SPTLC2: variants seen among roughly 807,000 people sequenced by gnomAD.
SPTLC2 encodes the protein serine palmitoyltransferase 2.
SPTLC2 carries 21 observed loss-of-function variants against 62.0 expected under a neutral mutation model. The observed-to-expected ratio is 0.34, with a 90% CI of 0.24 to 0.49. SPTLC2 has a LOEUF of 0.49. Ranked by LOEUF, SPTLC2 falls within the 20% of genes least tolerant of loss-of-function variation. The pLI, the probability that SPTLC2 is intolerant of heterozygous loss-of-function variation, is 0.99. For missense variants in SPTLC2, 511 were observed against 713.0 expected (o/e 0.72, Z 3.23); for synonymous variants, 261 against 261.8 (o/e 1.00, Z 0.03).
At chr14:77,517,283 A>G (rs991927715) in intron 11 of SPTLC2, among the ~76,000 whole-genome samples, 1 of 152,228 alleles carries the variant, frequency 6.6e-6, no homozygotes, top group Non-Finnish European at 1.5e-5. Flanking sequence ...TAACTCATTA[A>G]TGGATATTTC....
intron 4 of SPTLC2, among the ~76,000 whole-genome samples, chr14:77,574,374 G>C (rs1311563515): frequency 2.0e-5 from 3 of 152,160 alleles, no homozygotes; most frequent in Admixed American, 2.0e-4. Flanking sequence ...AAAATGAATA[G>C]GAACCCTCAT....
chr14:77,611,788 T>C (rs2079939399), intron 1 of SPTLC2, among the ~76,000 whole-genome samples: 1 of 150,558 alleles, frequency 6.6e-6, no homozygotes, highest in Non-Finnish European at 1.5e-5. Context: ...ATGGCGCCAC[T>C]GCACTCCAGC....
At chr14:77,601,255 C>G (rs540481618) in intron 1 of SPTLC2, among the ~76,000 whole-genome samples, 6 of 152,182 alleles carry the variant, frequency 3.9e-5, no homozygotes, top group Non-Finnish European at 8.8e-5. Context: ...ATAGCCTTAA[C>G]TGATGACATT....
rs7401267 is a variant in SPTLC2 at position 77,569,902 on chromosome 14, T to A, written c.756+482A>T. On this transcript the variant is annotated intron_variant, in intron 5 of 11. Coordinates refer to ENST00000216484, the MANE Select transcript of SPTLC2 (RefSeq NM_004863.4). ...CTGGTCTCAAACTCCTGACCTCAGG[T>A]GATCCACCTGCCTCAGCCTCCCAAA... Among the ~76,000 whole-genome samples, 625 of 127,964 alleles carry A rather than the reference T, an allele frequency of 4.9e-3. 8 individuals are homozygous for A. The highest frequency in any genetic ancestry group is 0.015 in the African/African-American group (563 of 38,502). The allele number at this position is 127,964 out of a possible 152,430, so 83.9% of individuals were successfully genotyped here.
intron 9 of SPTLC2, among the ~76,000 whole-genome samples, chr14:77,533,300 CAAAAAAA>C (rs35192294): frequency 3.0e-4 from 30 of 98,496 alleles, no homozygotes; most frequent in South Asian, 6.5e-4. Flanking sequence ...AACTCCGTTG[CAAAAAAA>C]AAAAAAAAAA....
At chr14:77,589,525 C>T (rs536093568) in intron 2 of SPTLC2, among the ~76,000 whole-genome samples, 1 of 149,958 alleles carries the variant, frequency 6.7e-6, no homozygotes, top group African/African-American at 2.5e-5. Context: ...CACGGTGGCT[C>T]ATGCCTGTAA....
intron 9 of SPTLC2, among the ~76,000 whole-genome samples, chr14:77,531,487 T>TCCC (rs2079439869): frequency 1.6e-4 from 9 of 54,982 alleles, no homozygotes; most frequent in South Asian, 8.8e-4. Flanking sequence ...CTCCCCCTCC[T>TCCC]CCTCCTCCTC....
intron 4 of SPTLC2, among the ~76,000 whole-genome samples, chr14:77,575,174 T>A (rs1326470904): frequency 2.0e-5 from 3 of 152,190 alleles, no homozygotes; most frequent in African/African-American, 7.2e-5. Context: ...GTGAGCTGAC[T>A]GCACCACCGC....
intron 1 of SPTLC2, among the ~76,000 whole-genome samples, chr14:77,613,764 G>A (rs1428341411): frequency 6.6e-6 from 1 of 152,154 alleles, no homozygotes; most frequent in African/African-American, 2.4e-5. Flanking sequence ...GCGTATTTTT[G>A]ATGGCACAGT....
intron 1 of SPTLC2, among the ~76,000 whole-genome samples, chr14:77,599,998 T>C (rs188271868): frequency 1.2e-3 from 187 of 152,248 alleles, no homozygotes; most frequent in Middle Eastern, 3.4e-3. Context: ...ACTGTACACA[T>C]CATTAAAAAG....
At chr14:77,553,151 C>G (rs998014110) in intron 8 of SPTLC2, among the ~76,000 whole-genome samples, 4 of 152,158 alleles carry the variant, frequency 2.6e-5, no homozygotes, top group Non-Finnish European at 5.9e-5. Flanking sequence ...TTGTATATCC[C>G]TATTCTCTGA....
chr14:77,589,475 T>A (rs1278255401), intron 2 of SPTLC2, among the ~76,000 whole-genome samples: 1 of 108,884 alleles, frequency 9.2e-6, no homozygotes, highest in African/African-American at 3.2e-5. Flanking sequence ...ACCATTCATA[T>A]CTTAAACTTT....
chr14:77,540,366 C>T (rs2079494595), intron 9 of SPTLC2, among the ~76,000 whole-genome samples: 1 of 152,166 alleles, frequency 6.6e-6, no homozygotes, highest in East Asian at 1.9e-4. Flanking sequence ...ACCACATTCT[C>T]AATTAGCTGT....
chr14:77,551,373 A>G, intron 9 of SPTLC2, among the ~76,000 whole-genome samples: 1 of 131,256 alleles, frequency 7.6e-6, no homozygotes, highest in East Asian at 2.7e-4. Context: ...CCTGGGTGAC[A>G]GAGTGAGACT....
chr14:77,540,205 C>CA (rs34847653), intron 9 of SPTLC2, among the ~76,000 whole-genome samples: 1,884 of 87,336 alleles, frequency 0.022, 50 homozygotes, highest in East Asian at 0.059. Context: ...ACTCTTGTCT[C>CA]AAAAAAAAAA....
chr14:77,538,125 T>C (rs182215961), intron 9 of SPTLC2, among the ~76,000 whole-genome samples: 1 of 152,372 alleles, frequency 6.6e-6, no homozygotes, highest in East Asian at 1.9e-4. Context: ...TTATAGTTTA[T>C]AAACAAGCTT....
intron 11 of SPTLC2, among the ~76,000 whole-genome samples, chr14:77,516,584 T>G (rs988800499): frequency 6.6e-6 from 1 of 152,050 alleles, no homozygotes; most frequent in Admixed American, 6.5e-5. Flanking sequence ...GTAAAATTTC[T>G]GAGAAATGAG....
chr14:77,601,439 T>C (rs1269188858), intron 1 of SPTLC2, among the ~76,000 whole-genome samples: 1 of 152,142 alleles, frequency 6.6e-6, no homozygotes, highest in Non-Finnish European at 1.5e-5. Flanking sequence ...CCAAAACCTA[T>C]AAGAACTAAT....
At chr14:77,560,774 C>T (rs2079610394) in intron 6 of SPTLC2, among the ~76,000 whole-genome samples, 1 of 151,366 alleles carries the variant, frequency 6.6e-6, no homozygotes, top group South Asian at 2.1e-4. Context: ...AACCAAATAC[C>T]ACATATTCTC....
Sources: gnomAD v4.1 joint callset for allele counts (sites outside exome capture counted in the v4.1 genomes callset) on GRCh38, gnomAD v4.1.1 for gene constraint, MANE v1.5 for transcripts, NCBI Gene and HGNC (gene_info 2026-07-23, HGNC 2026-07-21) for gene names.